Variants in SCN8A observed in about 807,000 individuals in gnomAD.
SCN8A encodes sodium voltage-gated channel alpha subunit 8.
A neutral mutation model predicts 184.1 loss-of-function variants in SCN8A; 30 were observed. That is an observed-to-expected ratio of 0.16 (90% CI 0.12 to 0.22). The LOEUF (loss-of-function observed/expected upper bound fraction) is 0.22. Among genes scored for constraint, SCN8A ranks in the 10% least tolerant of loss-of-function variants. SCN8A has a pLI of 1.00. For synonymous variants in SCN8A, 852 were observed against 907.0 expected, an observed-to-expected ratio of 0.94 and a Z score of 1.09; for missense variants, 1,057 against 2,498.9, an observed-to-expected ratio of 0.42 and a Z score of 12.30.
intron 1 of SCN8A, among the ~76,000 whole-genome samples, chr12:51,657,403 A>G (rs902064564): frequency 2.6e-5 from 4 of 152,102 alleles, no homozygotes; most frequent in Non-Finnish European, 5.9e-5. Flanking sequence ...ATTTTTACAT[A>G]TACGTTTTGG....
intron 15 of SCN8A, among the ~76,000 whole-genome samples, chr12:51,765,107 A>G (rs748386152): frequency 6.6e-6 from 1 of 152,014 alleles, no homozygotes; most frequent in Non-Finnish European, 1.5e-5. Context: ...TGACTGATGT[A>G]TGTGGAACTG....
At chr12:51,675,851 A>G (rs750085679) in intron 2 of SCN8A, among the ~76,000 whole-genome samples, 6 of 152,208 alleles carry the variant, frequency 3.9e-5, no homozygotes, top group Non-Finnish European at 8.8e-5. Context: ...CCTCAATTTT[A>G]TCATCTGTAA....
chr12:51,792,317 CAAAA>C (rs71092722), intron 25 of SCN8A, among the ~76,000 whole-genome samples: 1 of 84,832 alleles, frequency 1.2e-5, no homozygotes, highest in Admixed American at 1.2e-4. Context: ...CCCATCTGTA[CAAAA>C]AAAAAAAAAA....
At chr12:51,607,517 A>G (rs1343973048) in intron 1 of SCN8A, among the ~76,000 whole-genome samples, 1 of 152,128 alleles carries the variant, frequency 6.6e-6, no homozygotes, top group Non-Finnish European at 1.5e-5. Context: ...CAGTTCTCAG[A>G]GGGAATGCGT....
intron 26 of SCN8A, among the ~76,000 whole-genome samples, chr12:51,799,985 C>T (rs768603824): frequency 1.3e-5 from 2 of 152,202 alleles, no homozygotes; most frequent in African/African-American, 2.4e-5. Context: ...TGCTACTTCT[C>T]GCTCACTGGG....
intron 25 of SCN8A, among the ~76,000 whole-genome samples, chr12:51,792,488 C>CAAA (rs71092723): frequency 1.1e-3 from 58 of 51,542 alleles, no homozygotes; most frequent in East Asian, 2.5e-3. Flanking sequence ...GACCCTATCT[C>CAAA]AAAAAAAAAA....
chr12:51,781,681 A>C (rs1193535412), intron 21 of SCN8A, among the ~76,000 whole-genome samples: 1 of 151,482 alleles, frequency 6.6e-6, no homozygotes, highest in South Asian at 2.1e-4. Flanking sequence ...CACACTAAAA[A>C]GTCAATTTCT....
At chr12:51,694,555 G>A (rs1296768165) in intron 6 of SCN8A, among the ~76,000 whole-genome samples, 2 of 152,226 alleles carry the variant, frequency 1.3e-5, no homozygotes, top group Non-Finnish European at 2.9e-5. Flanking sequence ...GCGAGCTAAT[G>A]TTAGCCTTTT....
chr12:51,780,497 G>C (rs1253955204), intron 20 of SCN8A, among the ~76,000 whole-genome samples, 152 bp from the exon 21 acceptor site: 1 of 148,154 alleles, frequency 6.7e-6, no homozygotes, highest in East Asian at 2.0e-4. Flanking sequence ...TCCTCTACCT[G>C]GGGGGCCCAA....
chr12:51,812,289 CTGTGT>C lies in SCN8A; in HGVS notation c.*4862_*4866del, dbSNP rs1938936059. On this transcript the variant is annotated 3_prime_UTR_variant, in exon 27 of 27. Transcript: ENST00000627620. Reference sequence around the variant, plus strand: ...CAGTGGTTCCAGAAAAGGGACAGAACTGTGTTCTGTCCCTAGCTTGACCGCTGGCT... The same window carrying C: ...CAGTGGTTCCAGAAAAGGGACAGAACTCTGTCCCTAGCTTGACCGCTGGCT... 6.5e-6 allele frequency: 1 copy of C among 153,932 alleles called. No individual in the cohort carries two copies. Among genetic ancestry groups the C allele is most frequent in the African/African-American group, 2.4e-5 (1 of 41,370 alleles). 9.5% of individuals were successfully genotyped at this position (153,932 alleles called of 1,614,324 possible).
chr12:51,713,417 A>G, intron 11 of SCN8A: 1 of 825,572 alleles, frequency 1.2e-6, no homozygotes, highest in South Asian at 1.3e-5. Context: ...ATTACCACAC[A>G]ATCTGTGAGT....
rs1458828075 is a variant in SCN8A at position 51,809,741 on chromosome 12, A to G, written c.*2312A>G. The G allele has an allele frequency of 6.6e-6, 1 of 152,188 alleles. No individual in the cohort carries two copies. Among genetic ancestry groups the G allele is most frequent in the African/African-American group, 2.4e-5 (1 of 41,436 alleles). 9.4% of individuals were successfully genotyped at this position (152,188 alleles called of 1,614,324 possible). A position where few individuals can be genotyped will look rare whatever the true frequency, so the allele number is the denominator to read the frequency against. On this transcript the variant is annotated 3_prime_UTR_variant, in exon 27 of 27. Transcript: ENST00000627620. Reference sequence around the variant, plus strand: ...ATTTTATTGGCATGCCTTTTTGTAAATACAAATTATTAACTTATTAAATAG... The same window carrying G: ...ATTTTATTGGCATGCCTTTTTGTAAGTACAAATTATTAACTTATTAAATAG...
At chr12:51,698,338 C>G (rs1163269487) in intron 6 of SCN8A, among the ~76,000 whole-genome samples, 1 of 152,340 alleles carries the variant, frequency 6.6e-6, no homozygotes, top group South Asian at 2.1e-4. Context: ...CCCAGGCACA[C>G]CCTTCAAAGC....
chr12:51,596,422 G>A (rs916387726), intron 1 of SCN8A, among the ~76,000 whole-genome samples: 32 of 152,202 alleles, frequency 2.1e-4, no homozygotes, highest in African/African-American at 7.5e-4. Flanking sequence ...TATCTAACTG[G>A]TGTAGTGGAG....
chr12:51,608,847 A>C (rs972239978), intron 1 of SCN8A, among the ~76,000 whole-genome samples: 1 of 152,118 alleles, frequency 6.6e-6, no homozygotes, highest in African/African-American at 2.4e-5. Flanking sequence ...ATGCTCTTAC[A>C]GTCTTTTTGA....
intron 1 of SCN8A, among the ~76,000 whole-genome samples, chr12:51,594,275 A>G (rs1027283658): frequency 6.6e-6 from 1 of 152,158 alleles, no homozygotes; most frequent in African/African-American, 2.4e-5. Context: ...AATCTCATTG[A>G]AAAGGTAATA....
chr12:51,691,487 C>G (rs765162313), intron 6 of SCN8A, among the ~76,000 whole-genome samples: 1 of 151,840 alleles, frequency 6.6e-6, no homozygotes, highest in South Asian at 2.1e-4. Flanking sequence ...ACAGTGGTGC[C>G]TGGCCCATAG....
chr12:51,686,363 T>C lies in SCN8A; in HGVS notation c.396-5T>C, dbSNP rs764928471. On this transcript the variant is annotated splice_region_variant and splice_polypyrimidine_tract_variant and intron_variant, in intron 3 of 26. Coordinates refer to ENST00000627620, the MANE Select transcript of SCN8A (RefSeq NM_001330260.2). ...TTTTAATATTGCCCCTTGACTCTTCTCTACAGTATTTAGCATGATCATTAT... is the reference window on the plus strand; with the variant it reads ...TTTTAATATTGCCCCTTGACTCTTCCCTACAGTATTTAGCATGATCATTAT... 5.0e-6 allele frequency: 8 copies of C among 1,595,288 alleles called. No homozygotes were observed. Among genetic ancestry groups the C allele is most frequent in the Non-Finnish European group, 6.9e-6 (8 of 1,164,300 alleles).
chr12:51,765,610 T>G, intron 15 of SCN8A, 61 bp from the exon 16 acceptor site: 1 of 962,720 alleles, frequency 1.0e-6, no homozygotes, highest in Non-Finnish European at 1.5e-6. Context: ...ATTTTAGCCA[T>G]GTGGTGAGAA....
Sources: allele counts gnomAD v4.1 joint callset (sites outside exome capture counted in the v4.1 genomes callset), GRCh38; gene constraint gnomAD v4.1.1; transcripts MANE v1.5; gene names NCBI Gene and HGNC (gene_info 2026-07-23, HGNC 2026-07-21).